Variants in CAMTA1 observed in about 807,000 individuals in gnomAD.
CAMTA1 encodes calmodulin binding transcription activator 1.
Under a neutral mutation model 170.9 loss-of-function variants are expected in CAMTA1, and 27 were observed. The observed-to-expected ratio is 0.16, with a 90% CI of 0.12 to 0.22. CAMTA1 has a LOEUF of 0.22. Among genes scored for constraint, CAMTA1 ranks in the 10% least tolerant of loss-of-function variants. CAMTA1 has a pLI of 1.00. For synonymous variants in CAMTA1, 833 were observed against 891.5 expected (o/e 0.93, Z 1.17); for missense variants, 1,619 against 2,217.2 (o/e 0.73, Z 5.42).
chr1:6,930,940 G>A (rs143604275), intron 3 of CAMTA1, among the ~76,000 whole-genome samples: 180 of 152,344 alleles, frequency 1.2e-3, no homozygotes, highest in African/African-American at 4.0e-3. Flanking sequence ...TGGCTCCGCC[G>A]CGTCTCCTCT....
intron 5 of CAMTA1, among the ~76,000 whole-genome samples, chr1:7,372,982 G>A (rs1454692510): frequency 1.3e-5 from 2 of 152,202 alleles, no homozygotes; most frequent in East Asian, 1.9e-4. Flanking sequence ...TCAGAGCTCT[G>A]TCACCAACCT....
chr1:6,836,487 G>T (rs369114071), intron 3 of CAMTA1, among the ~76,000 whole-genome samples: 6 of 152,168 alleles, frequency 3.9e-5, no homozygotes, highest in African/African-American at 1.4e-4. Flanking sequence ...GTAAAATGGC[G>T]AGAACCTGGA....
At chr1:7,117,611 C>T (rs183945941) in intron 4 of CAMTA1, among the ~76,000 whole-genome samples, 4 of 152,186 alleles carry the variant, frequency 2.6e-5, no homozygotes, top group Non-Finnish European at 1.5e-5. Context: ...CTGGCTCCCC[C>T]CTAGTGGGCA....
intron 6 of CAMTA1, among the ~76,000 whole-genome samples, chr1:7,607,118 A>AGGATGGATGGAT (rs749176148): frequency 6.7e-5 from 10 of 149,562 alleles, no homozygotes; most frequent in African/African-American, 1.8e-4. Context: ...GGTAGATGGA[A>AGGATGGATGGAT]GGATGGATGG....
chr1:7,340,200 A>G (rs979964817), intron 5 of CAMTA1, among the ~76,000 whole-genome samples: 3 of 152,226 alleles, frequency 2.0e-5, no homozygotes, highest in African/African-American at 7.2e-5. Flanking sequence ...TTATTTGCAA[A>G]TACAGGCAGC....
At chr1:7,745,425 C>T (rs1312512855) in intron 17 of CAMTA1, among the ~76,000 whole-genome samples, 1 of 152,028 alleles carries the variant, frequency 6.6e-6, no homozygotes, top group Non-Finnish European at 1.5e-5. Context: ...ACTTGGGAGG[C>T]TGAGGCAGGA....
At chr1:7,548,478 CTGGTGGAGGGTG>C (rs2094734608) in intron 6 of CAMTA1, among the ~76,000 whole-genome samples, 5 of 70,928 alleles carry the variant, frequency 7.0e-5, no homozygotes, top group Admixed American at 4.3e-4. Flanking sequence ...AGTGGAGGTG[CTGGTGGAGGGTG>C]CCCCTTTAGG....
Position 6,792,310 on chromosome 1 carries a change from C to G in CAMTA1, c.45+6735C>G, listed in dbSNP as rs1415861626. ...ATGGAGAGCAGTTCACGTGATGGGA[C>G]AAAGTAAAGGGTGAGTAAAGGGTGG... On this transcript the variant is annotated intron_variant, in intron 1 of 22. Coordinates refer to ENST00000303635, the MANE Select transcript of CAMTA1 (RefSeq NM_015215.4). Among the ~76,000 whole-genome samples the G allele has an allele frequency of 2.7e-5, 4 of 148,644 alleles. No individual in the cohort carries two copies. The South Asian group carries it at 6.4e-4, about 24-fold the overall frequency.
intron 22 of CAMTA1, among the ~76,000 whole-genome samples, chr1:7,756,045 T>C (rs2096929141): frequency 6.6e-6 from 1 of 152,050 alleles, no homozygotes; most frequent in African/African-American, 2.4e-5. Context: ...ATTAAGATAA[T>C]TTGCCACATG....
intron 3 of CAMTA1, among the ~76,000 whole-genome samples, chr1:6,959,260 G>C (rs930238517): frequency 6.6e-6 from 1 of 152,240 alleles, no homozygotes; most frequent in African/African-American, 2.4e-5. Context: ...CTCTGAGCCA[G>C]TAGCTCAGAC....
At chr1:7,550,612 GC>G (rs1227188109) in intron 6 of CAMTA1, among the ~76,000 whole-genome samples, 19 of 150,214 alleles carry the variant, frequency 1.3e-4, no homozygotes, top group African/African-American at 4.7e-4. Flanking sequence ...TTCCTACCTG[GC>G]CCCCTCCCAC....
At chr1:7,750,295 T>A (rs749700574) in intron 19 of CAMTA1, among the ~76,000 whole-genome samples, 23 of 152,196 alleles carry the variant, frequency 1.5e-4, no homozygotes, top group Non-Finnish European at 2.6e-4. Context: ...TCATTTCACC[T>A]CCTCATACAT....
chr1:6,964,558 T>C (rs968094815), intron 3 of CAMTA1, among the ~76,000 whole-genome samples: 2 of 152,224 alleles, frequency 1.3e-5, no homozygotes, highest in Non-Finnish European at 2.9e-5. Flanking sequence ...TTTCTGGTAG[T>C]AGCCACTCTG....
intron 4 of CAMTA1, among the ~76,000 whole-genome samples, chr1:7,175,866 G>C (rs1650696211): frequency 6.6e-6 from 1 of 152,200 alleles, no homozygotes; most frequent in Non-Finnish European, 1.5e-5. Flanking sequence ...TTTCAGAAAG[G>C]CTCTTTCCTG....
intron 3 of CAMTA1, among the ~76,000 whole-genome samples, chr1:6,863,472 C>T (rs1665502741): frequency 6.6e-6 from 1 of 152,206 alleles, no homozygotes; most frequent in Non-Finnish European, 1.5e-5. Flanking sequence ...CACTCCAGAG[C>T]TGCCTCCTTG....
rs144233366 is a variant in CAMTA1, at chr1:7,049,378, A to G, written c.235-41926A>G. On this transcript the variant is annotated intron_variant, in intron 3 of 22. Transcript: ENST00000303635. ...CTTCACGTACATCCTCTATTCTGGG[A>G]AAGTGTGATCGATCCTGCTATGCAT... 1.9e-3 allele frequency among the ~76,000 whole-genome samples: 292 copies of G among 152,268 alleles called. 1 individual carries two copies. Among genetic ancestry groups the G allele is most frequent in the Admixed American group, 5.4e-3 (82 of 15,286 alleles).
chr1:7,250,539 G>A (rs1265853889), intron 5 of CAMTA1, among the ~76,000 whole-genome samples: 1 of 152,144 alleles, frequency 6.6e-6, no homozygotes, highest in Non-Finnish European at 1.5e-5. Context: ...TTGAGTTTGC[G>A]AGCATACAGG....
At chr1:7,052,458 G>A (rs1706555215) in intron 3 of CAMTA1, among the ~76,000 whole-genome samples, 1 of 152,046 alleles carries the variant, frequency 6.6e-6, no homozygotes, top group Non-Finnish European at 1.5e-5. Flanking sequence ...TCCTCCCAGT[G>A]TCTACAGTCC....
rs1269659066 is a variant in CAMTA1 at position 7,113,329 on chromosome 1, C to T, written c.302+21958C>T. ...TTGGCCTTCCCGTATGTTTGCTTGGCCACGTGCCTGTGTGGCCATTCTGAC... is the reference window on the plus strand; with the variant it reads ...TTGGCCTTCCCGTATGTTTGCTTGGTCACGTGCCTGTGTGGCCATTCTGAC... On this transcript the variant is annotated intron_variant, in intron 4 of 22. Coordinates refer to ENST00000303635, the MANE Select transcript of CAMTA1 (RefSeq NM_015215.4). The surrounding 1 kb of genome is among the most constrained non-coding windows in gnomAD (Gnocchi z 4.5). 1.3e-5 allele frequency among the ~76,000 whole-genome samples: 2 copies of T among 152,232 alleles called. No individual in the cohort carries two copies. Among genetic ancestry groups the T allele is most frequent in the African/African-American group, 2.4e-5 (1 of 41,452 alleles).
Sources: gnomAD v4.1 joint callset for allele counts (sites outside exome capture counted in the v4.1 genomes callset) on GRCh38, gnomAD v4.1.1 for gene constraint, Gnocchi (gnomAD v3.1) non-coding constraint, MANE v1.5 for transcripts, NCBI Gene and HGNC (gene_info 2026-07-23, HGNC 2026-07-21) for gene names.